The following RPS6KB1 variants were observed in gnomAD, a reference collection of about 807,000 sequenced individuals.
RPS6KB1 encodes the protein ribosomal protein S6 kinase B1, also known as ribosomal protein S6 kinase beta-1.
Under a neutral mutation model 70.2 loss-of-function variants are expected in RPS6KB1, and 12 were observed. The ratio of observed to expected loss-of-function variants is 0.17; its 90% CI spans 0.11 to 0.28. RPS6KB1 has a LOEUF of 0.28. Ranked by LOEUF, RPS6KB1 falls within the 10% of genes least tolerant of loss-of-function variation. RPS6KB1 has a pLI of 1.00. For synonymous variants in RPS6KB1, 175 were observed against 211.2 expected, an observed-to-expected ratio of 0.83 and a Z score of 1.49; for missense variants, 270 against 646.6, an observed-to-expected ratio of 0.42 and a Z score of 6.32.
intron 1 of RPS6KB1, among the ~76,000 whole-genome samples, chr17:59,900,921 GGAGGC>G (rs1431740628): frequency 2.0e-5 from 3 of 151,420 alleles, no homozygotes; most frequent in Non-Finnish European, 1.5e-5. Flanking sequence ...CAGTACTTTG[GGAGGC>G]CAAGGCAGAT....
At chr17:59,928,406 A>C (rs1382345454) in intron 5 of RPS6KB1, among the ~76,000 whole-genome samples, 8 of 148,714 alleles carry the variant, frequency 5.4e-5, no homozygotes, top group Non-Finnish European at 7.4e-5. Context: ...TTTGAGATGG[A>C]GTCTCACTCT....
intron 4 of RPS6KB1, among the ~76,000 whole-genome samples, chr17:59,924,510 G>C (rs1248795244): frequency 6.6e-6 from 1 of 151,698 alleles, no homozygotes; most frequent in Non-Finnish European, 1.5e-5. Context: ...GGTTCAAAAA[G>C]AAAAATCTAC....
intron 4 of RPS6KB1, 100 bp from the exon 5 acceptor site, chr17:59,926,335 A>G (rs547722785): frequency 2.2e-6 from 2 of 900,830 alleles, no homozygotes; most frequent in African/African-American, 3.4e-5. Context: ...TAATAGTTCA[A>G]TATTGGCAGG....
Position 59,915,932 on chromosome 17 carries a change from T to C in RPS6KB1, c.381+1229T>C, listed in dbSNP as rs536654461. Among the ~76,000 whole-genome samples, 8 of 148,582 alleles carry C rather than the reference T, an allele frequency of 5.4e-5. No individual in the cohort carries two copies. The East Asian group carries it at 1.6e-3, about 30-fold the overall frequency. On this transcript the variant is annotated intron_variant, in intron 4 of 14. Coordinates refer to ENST00000225577, the MANE Select transcript of RPS6KB1 (RefSeq NM_003161.4). The stretch of plus-strand genomic sequence containing the variant: ...TCCCTAGTAGCTGGGATTACAGGCA[T>C]GTGCCACCACGCCCGGCTAATTTTG...
chr17:59,893,337 G>C lies in RPS6KB1; in HGVS notation c.141+12G>C. On this transcript the variant is annotated intron_variant, in intron 1 of 14. Coordinates refer to ENST00000225577, the MANE Select transcript of RPS6KB1 (RefSeq NM_003161.4). The surrounding 1 kb of genome is among the most constrained non-coding windows in gnomAD (Gnocchi z 4.1). ...AGCTGGAGGAGGGGGTGAGGCCCGG[G>C]GTCCCCGGGGGCCCGAGGTGACAGG... The C allele has an allele frequency of 6.3e-7, 1 of 1,592,668 alleles. No homozygotes were observed. The highest frequency in any genetic ancestry group is 8.5e-7 in the Non-Finnish European group (1 of 1,169,916).
intron 4 of RPS6KB1, among the ~76,000 whole-genome samples, chr17:59,918,357 T>TTTTA (rs1008936220): frequency 4.0e-5 from 6 of 150,680 alleles, no homozygotes; most frequent in African/African-American, 9.8e-5. Flanking sequence ...GAGAGTTTTA[T>TTTTA]TTTTTTTTAA....
intron 4 of RPS6KB1, among the ~76,000 whole-genome samples, chr17:59,923,567 G>A (rs567625042): frequency 6.6e-6 from 1 of 152,048 alleles, no homozygotes; most frequent in Non-Finnish European, 1.5e-5. Context: ...CTGGAATGCA[G>A]TGGTGTGATC....
At chr17:59,935,433 G>A (rs1321594011) in intron 10 of RPS6KB1, 133 bp downstream of exon 10, 4 of 532,848 alleles carry the variant, frequency 7.5e-6, no homozygotes, top group East Asian at 3.3e-5. Flanking sequence ...TTTTGAAGGC[G>A]AAGTACAGAT....
intron 1 of RPS6KB1, among the ~76,000 whole-genome samples, chr17:59,899,029 C>A (rs568765903): frequency 2.4e-4 from 36 of 151,742 alleles, no homozygotes; most frequent in Non-Finnish European, 2.9e-5. Flanking sequence ...ATGGTGAAAA[C>A]CCCGTCTCTA....
chr17:59,893,861 T>TA lies in RPS6KB1; in HGVS notation c.141+537dup. ...TCGGGAGTAGCACTGCCGCTGCTGT[T>TA]ACAGCCACCAGGAGTTTTATTTCGG... On this transcript the variant is annotated intron_variant, in intron 1 of 14. Coordinates refer to ENST00000225577, the MANE Select transcript of RPS6KB1 (RefSeq NM_003161.4). This position sits in a 1 kb window ranked among gnomAD's most constrained non-coding sequence, Gnocchi z 4.1. The TA allele has an allele frequency of 1.0e-6, 1 of 985,410 alleles. No individual in the cohort carries two copies. Among genetic ancestry groups the TA allele is most frequent in the Non-Finnish European group, 1.2e-6 (1 of 830,038 alleles). 61.0% of individuals were successfully genotyped at this position (985,410 alleles called of 1,614,324 possible).
At chr17:59,944,733 A>G (rs1382922991) in intron 13 of RPS6KB1, among the ~76,000 whole-genome samples, 1 of 151,396 alleles carries the variant, frequency 6.6e-6, no homozygotes, top group Non-Finnish European at 1.5e-5. Flanking sequence ...TTAATTGCTT[A>G]TATGCCTGTG....
intron 10 of RPS6KB1, 107 bp downstream of exon 10, chr17:59,935,407 C>T (rs562637481): frequency 1.8e-6 from 1 of 549,928 alleles, no homozygotes; most frequent in Admixed American, 3.6e-5. Flanking sequence ...AAATATTGAA[C>T]AAAAAAGTCT....
At chr17:59,941,889 C>G (rs1351947271) in intron 13 of RPS6KB1, among the ~76,000 whole-genome samples, 1 of 126,974 alleles carries the variant, frequency 7.9e-6, no homozygotes, top group East Asian at 2.3e-4. Flanking sequence ...GAAGGAGTCT[C>G]GCTCTGTCGC....
At position 59,934,311 on chromosome 17, in the gene RPS6KB1, C is replaced by T. The variant is rs1457996111; in HGVS notation, c.779+51C>T. 1 of 1,473,292 alleles carries T rather than the reference C, an allele frequency of 6.8e-7. No individual in the cohort carries two copies. Among genetic ancestry groups the T allele is most frequent in the Non-Finnish European group, 9.5e-7 (1 of 1,052,238 alleles). The allele number at this position is 1,473,292 out of a possible 1,614,324, so 91.3% of individuals were successfully genotyped here. ...GTTTGGGGGTAATAGCTAATTTTACCTGTTTTAAGGAATAGTATCTGTTTT... is the reference window on the plus strand; with the variant it reads ...GTTTGGGGGTAATAGCTAATTTTACTTGTTTTAAGGAATAGTATCTGTTTT... On this transcript the variant is annotated intron_variant, in intron 8 of 14. Coordinates refer to ENST00000225577, the MANE Select transcript of RPS6KB1 (RefSeq NM_003161.4). The surrounding 1 kb of genome is among the most constrained non-coding windows in gnomAD (Gnocchi z 4.8).
rs745723563 is a variant in RPS6KB1 at position 59,910,589 on chromosome 17, G to A, written c.169G>A (p.Gly57Arg). Residue 57 changes from glycine to arginine, a missense_variant, in exon 2 of 15, where the codon GGG becomes AGG. By Grantham distance (125) the Gly-to-Arg change is moderately radical. Coordinates refer to ENST00000225577, the MANE Select transcript of RPS6KB1 (RefSeq NM_003161.4). Reference sequence around the variant, plus strand: ...TCAGTTAAATGAAAGCATGGACCATGGGGGAGTTGGACCATATGAACTGTA... The same window carrying A: ...TCAGTTAAATGAAAGCATGGACCATAGGGGAGTTGGACCATATGAACTGTA... ...GGQLNESMDH[G>R]GVGPYELGME... The A allele has an allele frequency of 6.3e-7, 1 of 1,591,254 alleles. No homozygotes were observed. The highest frequency in any genetic ancestry group is 1.1e-5 in the South Asian group (1 of 87,148).
At chr17:59,943,120 G>A (rs1487331912) in intron 13 of RPS6KB1, among the ~76,000 whole-genome samples, 1 of 152,128 alleles carries the variant, frequency 6.6e-6, no homozygotes, top group Non-Finnish European at 1.5e-5. Flanking sequence ...GCAAAATATA[G>A]TCTTACAGTA....
intron 13 of RPS6KB1, among the ~76,000 whole-genome samples, chr17:59,943,190 G>A (rs1598836081): frequency 6.6e-6 from 1 of 152,140 alleles, no homozygotes; most frequent in East Asian, 1.9e-4. Context: ...AGTTTGATGT[G>A]TGCATGATCA....
intron 1 of RPS6KB1, among the ~76,000 whole-genome samples, chr17:59,902,100 C>CTTTTTT (rs35721755): frequency 6.1e-5 from 5 of 81,636 alleles, no homozygotes; most frequent in Non-Finnish European, 1.1e-4. Context: ...GTGGCTTTCA[C>CTTTTTT]TTTTTTTTTT....
chr17:59,923,552 C>T (rs1332167818), intron 4 of RPS6KB1, among the ~76,000 whole-genome samples: 1 of 151,954 alleles, frequency 6.6e-6, no homozygotes, highest in Non-Finnish European at 1.5e-5. Context: ...GCTTTGTCCC[C>T]CAGGCTGGAA....
Sources: allele counts gnomAD v4.1 joint callset (sites outside exome capture counted in the v4.1 genomes callset), GRCh38; gene constraint gnomAD v4.1.1; non-coding constraint Gnocchi (gnomAD v3.1); transcripts MANE v1.5; gene names NCBI Gene and HGNC (gene_info 2026-07-23, HGNC 2026-07-21).